The following PATJ variants were observed in gnomAD, a reference collection of about 807,000 sequenced individuals.
The protein encoded by PATJ is PATJ crumbs cell polarity complex component.
In PATJ, 190 loss-of-function variants were observed where a neutral mutation model predicts 224.9. The observed-to-expected ratio is 0.84, with a 90% confidence interval of 0.75 to 0.95. PATJ has a LOEUF of 0.95. PATJ is among the 40% of genes least tolerant of loss of function. The pLI is 0.00. For synonymous variants in PATJ, 769 were observed against 820.3 expected (o/e 0.94, Z 1.07); for missense variants, 2,121 against 2,270.3 (o/e 0.93, Z 1.34).
chr1:61,933,747 G>C lies in PATJ; in HGVS notation c.3670+5918G>C, dbSNP rs1676386563. ...TTCAATTTTCTAACCAAAATAAAAT[G>C]TTATGTCTTCTCCAAGGCTGACCTT... is the stretch of plus-strand genomic sequence containing the variant. On this transcript the variant is annotated intron_variant, in intron 27 of 43. Transcript: ENST00000642238. Among the ~76,000 whole-genome samples, 3 of 152,052 alleles carry C rather than the reference G, an allele frequency of 2.0e-5. No individual in the cohort carries two copies. The South Asian group carries it at 6.2e-4, about 32-fold the overall frequency.
Position 61,990,220 on chromosome 1 carries a change from A to G in PATJ, c.3723A>G (p.Glu1241=), listed in dbSNP as rs1282627842. The G allele has an allele frequency of 1.9e-6, 3 of 1,613,746 alleles. No individual in the cohort carries two copies. Among genetic ancestry groups the G allele is most frequent in the East Asian group, 4.5e-5 (2 of 44,856 alleles). The change falls in exon 28 of 44, where the codon GAA becomes GAG. Residue 1241 remains glutamate, a synonymous_variant. Transcript: ENST00000642238. Reference sequence around the variant, plus strand: ...TGCCTGGAGAACTGCACATTATTGAACTTGAAAAAGATAAGAATGGACTTG... The same window carrying G: ...TGCCTGGAGAACTGCACATTATTGAGCTTGAAAAAGATAAGAATGGACTTG... ...ADLPGELHII[E]LEKDKNGLGL... is the part of the protein sequence containing the mutation.
chr1:61,992,310 G>T (rs910073008), intron 28 of PATJ, among the ~76,000 whole-genome samples: 2 of 151,992 alleles, frequency 1.3e-5, no homozygotes, highest in African/African-American at 2.4e-5. Context: ...TAGAGATGGG[G>T]TTTCTCCATG....
chr1:61,869,097 AT>A (rs113334846), intron 20 of PATJ, among the ~76,000 whole-genome samples: 37,631 of 125,296 alleles, frequency 0.3, 2,825 homozygotes, highest in South Asian at 0.46. Flanking sequence ...TGGAAATAAC[AT>A]TTTTTTTTTT....
intron 38 of PATJ, among the ~76,000 whole-genome samples, chr1:62,122,515 G>A (rs112688077): frequency 0.011 from 1,691 of 150,924 alleles, 35 homozygotes; most frequent in African/African-American, 0.039. Flanking sequence ...CAAACAGAGA[G>A]CACTTCTTTA....
chr1:62,118,623 C>CTTAT (rs59262237), intron 37 of PATJ, among the ~76,000 whole-genome samples: 9,160 of 151,560 alleles, frequency 0.06, 820 homozygotes, highest in African/African-American at 0.2. Flanking sequence ...TGAGCATCTT[C>CTTAT]TTATTTATTT....
intron 29 of PATJ, among the ~76,000 whole-genome samples, chr1:62,029,529 AAT>A (rs774645475): frequency 6.6e-6 from 1 of 152,222 alleles, no homozygotes; most frequent in Non-Finnish European, 1.5e-5. Flanking sequence ...TTACAGTTTG[AAT>A]TATGGTTACA....
At chr1:62,095,783 T>C (rs557132735) in intron 33 of PATJ, among the ~76,000 whole-genome samples, 95 of 152,320 alleles carry the variant, frequency 6.2e-4, no homozygotes, top group African/African-American at 2.2e-3. Context: ...AAACACTGAT[T>C]AGTGAAGAGT....
chr1:61,840,001 G>A (rs1660822404), intron 17 of PATJ, among the ~76,000 whole-genome samples: 1 of 151,884 alleles, frequency 6.6e-6, no homozygotes, highest in South Asian at 2.1e-4. Context: ...TCATTAAAAA[G>A]AATAGTGGAA....
intron 14 of PATJ, among the ~76,000 whole-genome samples, chr1:61,814,547 T>TGTGTGTGTGTGTGTGTGTGCGCGC (rs370488022): frequency 1.4e-5 from 2 of 142,492 alleles, no homozygotes; most frequent in African/African-American, 5.4e-5. Context: ...TGTGTGTGTG[T>TGTGTGTGTGTGTGTGTGTGCGCGC]GCGCGCGCGC....
At chr1:61,939,671 A>G (rs1453581125) in intron 27 of PATJ, among the ~76,000 whole-genome samples, 3 of 79,298 alleles carry the variant, frequency 3.8e-5, no homozygotes, top group Non-Finnish European at 6.9e-5. Context: ...AAAAGTTTCT[A>G]TGTGCTTTTT....
intron 27 of PATJ, among the ~76,000 whole-genome samples, chr1:61,973,877 CG>C (rs1331872263): frequency 1.3e-5 from 2 of 151,850 alleles, no homozygotes; most frequent in Admixed American, 1.3e-4. Flanking sequence ...ATAATCAGAT[CG>C]TTTTTTATGA....
At chr1:62,007,190 A>G (rs1646142654) in intron 28 of PATJ, among the ~76,000 whole-genome samples, 1 of 152,182 alleles carries the variant, frequency 6.6e-6, no homozygotes, top group Non-Finnish European at 1.5e-5. Context: ...ACTGAACGAC[A>G]TTTTATTGAG....
intron 27 of PATJ, among the ~76,000 whole-genome samples, chr1:61,989,471 G>A (rs1644944893): frequency 1.3e-5 from 2 of 152,044 alleles, no homozygotes; most frequent in Non-Finnish European, 2.9e-5. Context: ...AGTGTTATTT[G>A]GTACCCTTTG....
chr1:61,881,316 G>A (rs764827522), intron 21 of PATJ, among the ~76,000 whole-genome samples: 45 of 152,052 alleles, frequency 3.0e-4, no homozygotes, highest in Non-Finnish European at 1.0e-4. Context: ...TGCTGGGAAG[G>A]ACCCTGAATT....
At chr1:62,028,928 C>T (rs1648596567) in intron 29 of PATJ, among the ~76,000 whole-genome samples, 1 of 151,812 alleles carries the variant, frequency 6.6e-6, no homozygotes, top group Non-Finnish European at 1.5e-5. Flanking sequence ...TGCCACTGCA[C>T]TCCAGCCTGG....
chr1:61,938,323 C>T (rs1307928220), intron 27 of PATJ, among the ~76,000 whole-genome samples: 2 of 152,040 alleles, frequency 1.3e-5, no homozygotes, highest in Admixed American at 6.5e-5. Flanking sequence ...AGTATTGTAA[C>T]AGCATTCTTG....
intron 1 of PATJ, among the ~76,000 whole-genome samples, chr1:61,744,306 A>AAAT (rs1644913169): frequency 6.8e-6 from 1 of 147,706 alleles, no homozygotes; most frequent in Non-Finnish European, 1.5e-5. Flanking sequence ...AAAAAAAAAA[A>AAAT]GGAAAAAAGA....
chr1:61,843,326 C>CT (rs748827206), intron 17 of PATJ, among the ~76,000 whole-genome samples: 2 of 152,174 alleles, frequency 1.3e-5, no homozygotes, highest in African/African-American at 4.8e-5. Context: ...GGTTTGCATT[C>CT]TGGATATACT....
Position 62,116,696 on chromosome 1 carries a change from C to G in PATJ, c.4803+17C>G. On this transcript the variant is annotated intron_variant, in intron 36 of 43. Coordinates refer to ENST00000642238, the MANE Select transcript of PATJ (RefSeq NM_001350145.3). ...ATCCTCAAGGTGAGTTGCTAGGCTG[C>G]TTTTTACCCAGCTGGCACAACTGAA... The G allele has an allele frequency of 6.3e-7, 1 of 1,594,020 alleles. No individual in the cohort carries two copies. The highest frequency in any genetic ancestry group is 8.5e-7 in the Non-Finnish European group (1 of 1,169,940).
Sources: gnomAD v4.1 joint callset for allele counts (sites outside exome capture counted in the v4.1 genomes callset) on GRCh38, gnomAD v4.1.1 for gene constraint, MANE v1.5 for transcripts, NCBI Gene and HGNC (gene_info 2026-07-23, HGNC 2026-07-21) for gene names.